DCAF11: variants seen among roughly 807,000 people sequenced by gnomAD.
DCAF11 encodes DDB1 and CUL4 associated factor 11.
Under a neutral mutation model 76.1 loss-of-function variants are expected in DCAF11, and 44 were observed. The observed-to-expected ratio is 0.58, with a 90% CI of 0.45 to 0.74. DCAF11 has a LOEUF of 0.74. DCAF11 is among the 30% of genes least tolerant of loss of function. DCAF11 has a pLI of 0.00. For missense variants in DCAF11, 604 were observed against 709.4 expected, an observed-to-expected ratio of 0.85 and a Z score of 1.69; for synonymous variants, 258 against 255.0, an observed-to-expected ratio of 1.01 and a Z score of -0.11.
At chr14:24,118,251 G>A in intron 6 of DCAF11, 96 bp downstream of exon 6, 2 of 1,570,146 alleles carry the variant, frequency 1.3e-6, no homozygotes, top group Non-Finnish European at 1.7e-6. Context: ...GCTCAGACCT[G>A]GCTTAAGGAT....
chr14:24,123,008 GA>G lies in DCAF11; in HGVS notation c.1438del (p.Thr480ProfsTer77). On this transcript the variant is annotated frameshift_variant, in exon 14 of 15. Coordinates refer to ENST00000446197, the MANE Select transcript of DCAF11 (RefSeq NM_025230.5). LOFTEE classifies it high-confidence loss of function. ...LLSGHIVKKL[T>X]NHKACVRDVS... ...TAAGTGGCCACATTGTGAAGAAGCT[GA>G]CCAACCACAAGGCCTGTGTGCGTGA... is the stretch of plus-strand genomic sequence containing the variant. The G allele has an allele frequency of 6.2e-7, 1 of 1,614,178 alleles. No homozygotes were observed. The highest frequency in any genetic ancestry group is 8.5e-7 in the Non-Finnish European group (1 of 1,180,016).
chr14:24,115,772 C>T (rs1566590145), intron 2 of DCAF11, 23 bp downstream of exon 2: 2 of 1,605,260 alleles, frequency 1.2e-6, no homozygotes, highest in Admixed American at 3.4e-5. Context: ...CTGGTGTGAC[C>T]CCCAGCAGGT....
chr14:24,114,867 G>C lies in DCAF11; in HGVS notation c.-640G>C. On this transcript the variant is annotated 5_prime_UTR_variant, in exon 1 of 15. Coordinates refer to ENST00000446197, the MANE Select transcript of DCAF11 (RefSeq NM_025230.5). ...AGGAGCGGTTGGCCAACGCAGTGGC[G>C]GCAGTCGGTGTAAACAAGGCCTCGC... 2 of 985,958 alleles carry C rather than the reference G, an allele frequency of 2.0e-6. No homozygotes were observed. Among genetic ancestry groups the C allele is most frequent in the Non-Finnish European group, 2.4e-6 (2 of 829,964 alleles). The allele number at this position is 985,958 out of a possible 1,614,324, so 61.1% of individuals were successfully genotyped here.
In DCAF11 at chr14:24,122,447, G is replaced by A. The variant is rs566623199; in HGVS notation, c.1400-524G>A. Among the ~76,000 whole-genome samples the A allele has an allele frequency of 4.8e-5, 7 of 146,050 alleles. No individual in the cohort carries two copies. In the East Asian group the frequency reaches 6.1e-4, roughly 13 times the overall value. On this transcript the variant is annotated intron_variant, in intron 13 of 14. Coordinates refer to ENST00000446197, the MANE Select transcript of DCAF11 (RefSeq NM_025230.5). ...AGAGGTTGCAGTGAGCCAAGATCGC[G>A]CCACGGCACTCTAGCCTGGGCAACA...
Position 24,118,771 on chromosome 14 carries a change from G to A in DCAF11, c.746G>A (p.Gly249Asp), listed in dbSNP as rs200009110. 3.5e-5 allele frequency: 57 copies of A among 1,613,966 alleles called. No individual in the cohort carries two copies. Among genetic ancestry groups the A allele is most frequent in the Non-Finnish European group, 4.6e-5 (54 of 1,180,036 alleles). ...TTAGTTCATATCTGCAATATCTATG[G>A]TGAGGGAGATACACACACTGCCCTG... is the stretch of plus-strand genomic sequence containing the variant. ...SDYIHICNIY[G>D]EGDTHTALDL... The change falls in exon 8 of 15, where the codon GGT (glycine) becomes GAT (aspartate). Residue 249 changes from glycine (G) to aspartate (D), a missense_variant. Physicochemically the swap from Gly to Asp is moderately conservative, Grantham distance 94. Transcript: ENST00000446197.
Position 24,117,188 on chromosome 14 carries a change from G to A in DCAF11, c.284-78G>A, listed in dbSNP as rs2139012844. 1.9e-6 allele frequency: 3 copies of A among 1,604,910 alleles called. No individual in the cohort carries two copies. In the South Asian group the frequency reaches 3.3e-5, roughly 18 times the overall value. On this transcript the variant is annotated intron_variant, in intron 3 of 14. Coordinates refer to ENST00000446197, the MANE Select transcript of DCAF11 (RefSeq NM_025230.5). This position sits in a 1 kb window ranked among gnomAD's most constrained non-coding sequence, Gnocchi z 4.3. Reference sequence around the variant, plus strand: ...AGCCCCAGTATATTCAGCCACAGGGGTGGGCTTGGGTACAGTTCTGCTAAC... The same window carrying A: ...AGCCCCAGTATATTCAGCCACAGGGATGGGCTTGGGTACAGTTCTGCTAAC...
At chr14:24,118,312 CTGAG>C (rs2037620766) in intron 6 of DCAF11, 72 bp from the exon 7 acceptor site, 2 of 1,603,896 alleles carry the variant, frequency 1.2e-6, no homozygotes, top group Non-Finnish European at 1.7e-6. Flanking sequence ...CACAGGTACA[CTGAG>C]TGGGAGATGT....
chr14:24,118,299 C>T, intron 6 of DCAF11, 89 bp from the exon 7 acceptor site: 1 of 1,595,432 alleles, frequency 6.3e-7, no homozygotes, highest in Non-Finnish European at 8.6e-7. Flanking sequence ...AAAGGGAAGA[C>T]TCCACAGGTA....
chr14:24,122,569 C>T (rs1300455628), intron 13 of DCAF11, among the ~76,000 whole-genome samples: 1 of 151,926 alleles, frequency 6.6e-6, no homozygotes, highest in Non-Finnish European at 1.5e-5. Context: ...CAGTGCTGTC[C>T]CTAGAGAGAC....
In DCAF11 at chr14:24,119,147, C is replaced by T. The variant is rs1256383858; in HGVS notation, c.782C>T (p.Pro261Leu). ...GDTHTALDLR[P>L]DERRFAVFSI... ...ACCCAGCTCCTTCTTGCTTTTAGGCCAGATGAGCGTCGCTTTGCTGTCTTC... is the reference window on the plus strand; with the variant it reads ...ACCCAGCTCCTTCTTGCTTTTAGGCTAGATGAGCGTCGCTTTGCTGTCTTC... The change falls in exon 9 of 15, where the codon CCA (proline) becomes CTA (leucine). Residue 261 changes from proline (P) to leucine (L), a missense_variant and splice_region_variant. Physicochemically the swap from Pro to Leu is moderately conservative, Grantham distance 98 (BLOSUM62 -3). Coordinates refer to ENST00000446197, the MANE Select transcript of DCAF11 (RefSeq NM_025230.5). 2.5e-6 allele frequency: 4 copies of T among 1,614,060 alleles called. No homozygotes were observed. The highest frequency in any genetic ancestry group is 3.4e-6 in the Non-Finnish European group (4 of 1,180,038).
chr14:24,119,690 C>T (rs757321787), intron 10 of DCAF11, 21 bp from the exon 11 acceptor site: 1 of 1,614,176 alleles, frequency 6.2e-7, no homozygotes, highest in South Asian at 1.1e-5. Context: ...GGTCTTATAT[C>T]CTGGCCTCCT....
At position 24,123,325 on chromosome 14, in the gene DCAF11, C is replaced by G. The variant is rs1276749061; in HGVS notation, c.*16C>G. ...ACCCCAGTAGATCCAACCTCCAGCC[C>G]CATATAGGGTGAACCTCTTGATAAG... On this transcript the variant is annotated 3_prime_UTR_variant, in exon 15 of 15. Coordinates refer to ENST00000446197, the MANE Select transcript of DCAF11 (RefSeq NM_025230.5). The G allele has an allele frequency of 1.3e-6, 2 of 1,515,322 alleles. No individual in the cohort carries two copies. Among genetic ancestry groups the G allele is most frequent in the Middle Eastern group, 1.8e-4 (1 of 5,588 alleles). The allele number at this position is 1,515,322 out of a possible 1,614,324, so 93.9% of individuals were successfully genotyped here.
rs2037614073 is a variant in DCAF11 at position 24,117,979 on chromosome 14, T to A, written c.477-76T>A. ...AGAATGACTGTTCTGATATTCCAGC[T>A]CTGTTAGGATTCTGCTGATTGGGAC... On this transcript the variant is annotated intron_variant, in intron 5 of 14. Transcript: ENST00000446197. The surrounding 1 kb of genome is among the most constrained non-coding windows in gnomAD (Gnocchi z 4.3). 1 of 1,097,222 alleles carries A rather than the reference T, an allele frequency of 9.1e-7. No homozygotes were observed. The highest frequency in any genetic ancestry group is 1.3e-6 in the Non-Finnish European group (1 of 740,830). The allele number at this position is 1,097,222 out of a possible 1,614,324, so 68.0% of individuals were successfully genotyped here. A position where few individuals can be genotyped will look rare whatever the true frequency, so the allele number is the denominator to read the frequency against.
chr14:24,121,460 A>G lies in DCAF11; in HGVS notation c.1342A>G (p.Ile448Val). The G allele has an allele frequency of 6.2e-7, 1 of 1,614,132 alleles. No homozygotes were observed. Residue 448 changes from isoleucine (I) to valine (V), a missense_variant, in exon 13 of 15, where the codon ATT becomes GTT. Ile to Val is a conservative substitution (Grantham distance 29). Transcript: ENST00000446197. Reference sequence around the variant, plus strand: ...CCTCATCCGCTGCCGGTTCTCCCCCATTCATAGCACTGGCCAGCAGTTCAT... The same window carrying G: ...CCTCATCCGCTGCCGGTTCTCCCCCGTTCATAGCACTGGCCAGCAGTTCAT... The part of the protein sequence containing the change: ...HTLIRCRFSP[I>V]HSTGQQFIYS...
chr14:24,120,677 G>A (rs1388955088), intron 11 of DCAF11, among the ~76,000 whole-genome samples, 161 bp from the exon 12 acceptor site: 1 of 152,230 alleles, frequency 6.6e-6, no homozygotes, highest in African/African-American at 2.4e-5. Context: ...CCAGGTGGTA[G>A]GATCTGAGGC....
In DCAF11 at chr14:24,123,698, T is replaced by G. The variant is rs2139025607; in HGVS notation, c.*389T>G. ...AGCCAGGCCTGCCAGGTCTTCACGT[T>G]GAGGATTCAACTGGCCAATCACAGG... On this transcript the variant is annotated 3_prime_UTR_variant, in exon 15 of 15. Transcript: ENST00000446197. The G allele has an allele frequency of 5.8e-6, 1 of 173,456 alleles. No individual in the cohort carries two copies. The highest frequency in any genetic ancestry group is 1.6e-4 in the East Asian group (1 of 6,272). The allele number at this position is 173,456 out of a possible 1,614,324, so 10.7% of individuals were successfully genotyped here.
At position 24,114,983 on chromosome 14, in the gene DCAF11, T is replaced by C; in HGVS notation, c.-524T>C. On this transcript the variant is annotated 5_prime_UTR_variant, in exon 1 of 15. Coordinates refer to ENST00000446197, the MANE Select transcript of DCAF11 (RefSeq NM_025230.5). ...CTTCAGTGGGAGGTGCTTCTCGGCT[T>C]CCTCCCCCTCATGGCGTACACACCC... 1 of 985,874 alleles carries C rather than the reference T, an allele frequency of 1.0e-6. No homozygotes were observed. The highest frequency in any genetic ancestry group is 1.2e-6 in the Non-Finnish European group (1 of 829,942). 61.1% of individuals were successfully genotyped at this position (985,874 alleles called of 1,614,324 possible).
At position 24,117,054 on chromosome 14, in the gene DCAF11, A is replaced by G. The variant is rs112788511; in HGVS notation, c.283+10A>G. 5 of 1,614,198 alleles carry G rather than the reference A, an allele frequency of 3.1e-6. No homozygotes were observed. The highest frequency in any genetic ancestry group is 2.7e-5 in the African/African-American group (2 of 75,056). On this transcript the variant is annotated intron_variant, in intron 3 of 14. Coordinates refer to ENST00000446197, the MANE Select transcript of DCAF11 (RefSeq NM_025230.5). The surrounding 1 kb of genome is among the most constrained non-coding windows in gnomAD (Gnocchi z 4.3). Reference sequence around the variant, plus strand: ...CGATACAACCCACCTGGTAAGAGGAAAAGCCCCTAATGTTGGAAGACTTTT... The same window carrying G: ...CGATACAACCCACCTGGTAAGAGGAGAAGCCCCTAATGTTGGAAGACTTTT...
At chr14:24,119,955 G>A (rs1023372243) in intron 11 of DCAF11, 59 bp downstream of exon 11, 4 of 1,501,454 alleles carry the variant, frequency 2.7e-6, no homozygotes, top group African/African-American at 2.8e-5. Context: ...GCCCAGGAGG[G>A]CATGAAAGCG....
Sources: allele counts gnomAD v4.1 joint callset (sites outside exome capture counted in the v4.1 genomes callset), GRCh38; gene constraint gnomAD v4.1.1; non-coding constraint Gnocchi (gnomAD v3.1); transcripts MANE v1.5; gene names NCBI Gene and HGNC (gene_info 2026-07-23, HGNC 2026-07-21).